Variants in PIK3AP1 observed in about 807,000 individuals in gnomAD.
PIK3AP1 encodes phosphoinositide-3-kinase adaptor protein 1.
PIK3AP1 carries 21 observed loss-of-function variants against 88.1 expected under a neutral mutation model. The observed-to-expected ratio is 0.24, with a 90% CI of 0.17 to 0.34. PIK3AP1 has a LOEUF of 0.34. Among genes scored for constraint, PIK3AP1 ranks in the 10% least tolerant of loss-of-function variants. The pLI is 1.00. For synonymous variants in PIK3AP1, 398 were observed against 400.0 expected (o/e 1.00, Z 0.06); for missense variants, 828 against 1,035.7 (o/e 0.80, Z 2.75).
At chr10:96,626,171 A>G (rs955990763) in intron 10 of PIK3AP1, among the ~76,000 whole-genome samples, 3 of 152,198 alleles carry the variant, frequency 2.0e-5, no homozygotes, top group African/African-American at 7.2e-5. Flanking sequence ...CAAAACCTTA[A>G]TTTTTAATAA....
chr10:96,720,436 G>A lies in PIK3AP1; in HGVS notation c.-42C>T. The stretch of plus-strand genomic sequence containing the variant: ...CACATCCCTGGCTCGCTGCGTGCCC[G>A]GGGCCGGGACCGGGGCCGGCGGCGT... On this transcript the variant is annotated 5_prime_UTR_variant, in exon 1 of 17. Coordinates refer to ENST00000339364, the MANE Select transcript of PIK3AP1 (RefSeq NM_152309.3). This position sits in a 1 kb window ranked among gnomAD's most constrained non-coding sequence, Gnocchi z 4.6. The A allele has an allele frequency of 5.7e-6, 7 of 1,228,214 alleles. No individual in the cohort carries two copies. The highest frequency in any genetic ancestry group is 7.1e-6 in the Non-Finnish European group (7 of 982,854). 76.1% of individuals were successfully genotyped at this position (1,228,214 alleles called of 1,614,324 possible). A position where few individuals can be genotyped will look rare whatever the true frequency, so the allele number is the denominator to read the frequency against.
chr10:96,645,753 T>A, intron 7 of PIK3AP1, 91 bp from the exon 8 acceptor site: 1 of 1,105,470 alleles, frequency 9.0e-7, no homozygotes. Flanking sequence ...GCCAGCAAAG[T>A]AAAGGCTCCC....
At chr10:96,597,508 A>G (rs949464157) in intron 16 of PIK3AP1, among the ~76,000 whole-genome samples, 119 of 152,204 alleles carry the variant, frequency 7.8e-4, no homozygotes, top group African/African-American at 2.8e-3. Flanking sequence ...GAGACGGACA[A>G]TAGGCAAAAA....
chr10:96,709,851 G>T lies in PIK3AP1; in HGVS notation c.146C>A (p.Pro49His). ...SQKILTHRLGPEASFSAEDLS... is the reference protein window; with the variant it reads ...SQKILTHRLGHEASFSAEDLS... ...GTCCTCTGCCGAGAAGGAGGCCTCG[G>T]GGCCCAGCCTGTGAGTCAGTATCTT... Residue 49 changes from proline (P) to histidine (H), a missense_variant, in exon 2 of 17, where the codon CCC (proline) becomes CAC (histidine). Around this residue, in one of 3 missense-constraint regions of PIK3AP1, gnomAD observed 610 missense variants for 760.1 expected, o/e 0.80. Transcript: ENST00000339364. The T allele has an allele frequency of 6.2e-7, 1 of 1,613,990 alleles. No homozygotes were observed. Among genetic ancestry groups the T allele is most frequent in the Non-Finnish European group, 8.5e-7 (1 of 1,179,996 alleles).
intron 2 of PIK3AP1, among the ~76,000 whole-genome samples, chr10:96,689,471 G>C (rs1028670357): frequency 2.0e-5 from 3 of 150,332 alleles, no homozygotes; most frequent in African/African-American, 7.4e-5. Context: ...TCAGGAGGCC[G>C]AGGCAGGAGA....
intron 7 of PIK3AP1, among the ~76,000 whole-genome samples, chr10:96,647,278 G>A (rs947065561): frequency 4.6e-5 from 7 of 152,206 alleles, no homozygotes; most frequent in Admixed American, 1.3e-4. Flanking sequence ...TCTCTGCCCT[G>A]AATAGTCTGT....
At chr10:96,660,788 C>T (rs536243866) in intron 2 of PIK3AP1, among the ~76,000 whole-genome samples, 2 of 152,244 alleles carry the variant, frequency 1.3e-5, no homozygotes, top group African/African-American at 4.8e-5. Flanking sequence ...GGATAAAGTG[C>T]GGTACACCCA....
At chr10:96,613,113 C>T (rs1589487631) in intron 13 of PIK3AP1, among the ~76,000 whole-genome samples, 1 of 150,264 alleles carries the variant, frequency 6.7e-6, no homozygotes, top group East Asian at 2.0e-4. Context: ...ATTCTCCTGC[C>T]TCAGCCTCCT....
chr10:96,660,879 T>G (rs1413344243), intron 2 of PIK3AP1, among the ~76,000 whole-genome samples: 1 of 152,092 alleles, frequency 6.6e-6, no homozygotes, highest in African/African-American at 2.4e-5. Context: ...GAATGCATAT[T>G]ACTAAGTGAA....
chr10:96,651,811 T>C lies in PIK3AP1; in HGVS notation c.713-160A>G, dbSNP rs374640191. On this transcript the variant is annotated intron_variant, in intron 4 of 16. Transcript: ENST00000339364. ...GCTGGGGCGGGAGTGAGGGAAAGGG[T>C]GGAGGTAGCAGGTGAGCAAACCAGC... 5.3e-5 allele frequency among the ~76,000 whole-genome samples: 8 copies of C among 151,004 alleles called. 1 individual carries two copies. The highest frequency in any genetic ancestry group is 4.6e-4 in the Admixed American group (7 of 15,194).
At chr10:96,604,336 C>A (rs561365320) in intron 14 of PIK3AP1, among the ~76,000 whole-genome samples, 34 of 143,190 alleles carry the variant, frequency 2.4e-4, no homozygotes, top group African/African-American at 8.2e-4. Flanking sequence ...TGCCACCACA[C>A]CTAGCCAATT....
At position 96,609,720 on chromosome 10, in the gene PIK3AP1, C is replaced by A; in HGVS notation, c.2162G>T (p.Ser721Ile). Residue 721 changes from serine to isoleucine, a missense_variant, in exon 14 of 17, where the codon AGC becomes ATC. Physicochemically the swap from Ser to Ile is moderately radical, Grantham distance 142. This residue lies in a region of PIK3AP1 where 191 missense variants were observed against 208.6 expected (regional missense o/e 0.92). Transcript: ENST00000339364. The stretch of plus-strand genomic sequence containing the variant: ...CACCCCCAGCTGCTCACTTGCTGTG[C>A]TGGAGGTGCTGTCTGTTTTCCAGTC... ...RGDWKTDSTS[S>I]TASSTSNRSS... is the part of the protein sequence containing the mutation. 6.2e-7 allele frequency: 1 copy of A among 1,613,804 alleles called. No homozygotes were observed. Among genetic ancestry groups the A allele is most frequent in the Non-Finnish European group, 8.5e-7 (1 of 1,179,870 alleles).
intron 2 of PIK3AP1, among the ~76,000 whole-genome samples, chr10:96,688,232 T>C (rs1295362438): frequency 6.6e-6 from 1 of 152,134 alleles, no homozygotes; most frequent in African/African-American, 2.4e-5. Flanking sequence ...AGGATGAAGA[T>C]GAGGCCTTGC....
intron 2 of PIK3AP1, among the ~76,000 whole-genome samples, chr10:96,661,629 C>G (rs2134243576): frequency 6.6e-6 from 1 of 152,130 alleles, no homozygotes; most frequent in Non-Finnish European, 1.5e-5. Context: ...AAAATCTACT[C>G]AAAAATATTA....
Position 96,609,766 on chromosome 10 carries a change from TA to T in PIK3AP1, c.2115del (p.Arg706GlyfsTer4). ...CAGTCTCCTCGTCTCAGCTCCGTCCTAGGGGGAATGACACTTTTCCTGGGGC... is the reference window on the plus strand; with the variant it reads ...CAGTCTCCTCGTCTCAGCTCCGTCCTGGGGGAATGACACTTTTCCTGGGGC... ...ESGPRKSVIPPRTELRRGDWK... is the reference protein window; with the variant it reads ...ESGPRKSVIPXRTELRRGDWK... On this transcript the variant is annotated frameshift_variant, in exon 14 of 17. Coordinates refer to ENST00000339364, the MANE Select transcript of PIK3AP1 (RefSeq NM_152309.3). LOFTEE classifies it high-confidence loss of function. 1 of 1,614,130 alleles carries T rather than the reference TA, an allele frequency of 6.2e-7. No individual in the cohort carries two copies. Among genetic ancestry groups the T allele is most frequent in the Non-Finnish European group, 8.5e-7 (1 of 1,179,996 alleles).
intron 2 of PIK3AP1, among the ~76,000 whole-genome samples, chr10:96,666,373 C>T (rs967652150): frequency 3.3e-5 from 5 of 151,950 alleles, no homozygotes; most frequent in African/African-American, 9.7e-5. Flanking sequence ...GAGCCGAGAT[C>T]GCACCATTGT....
chr10:96,706,581 C>G (rs776973314), intron 2 of PIK3AP1, among the ~76,000 whole-genome samples: 4 of 152,118 alleles, frequency 2.6e-5, no homozygotes, highest in Non-Finnish European at 5.9e-5. Context: ...GATTTTTAGC[C>G]TTGGGAAGTG....
chr10:96,616,338 T>C (rs1165550670), intron 13 of PIK3AP1, among the ~76,000 whole-genome samples: 1 of 152,226 alleles, frequency 6.6e-6, no homozygotes, highest in Non-Finnish European at 1.5e-5. Context: ...GAGAGTCAGA[T>C]GTCTGCAGAG....
At chr10:96,646,621 C>T (rs1214945483) in intron 7 of PIK3AP1, among the ~76,000 whole-genome samples, 2 of 152,128 alleles carry the variant, frequency 1.3e-5, no homozygotes, top group Admixed American at 1.3e-4. Flanking sequence ...GCTTGGCACA[C>T]TAGCCCCTGT....
Sources: gnomAD v4.1 joint callset for allele counts (sites outside exome capture counted in the v4.1 genomes callset) on GRCh38, gnomAD v4.1.1 for gene constraint, gnomAD v4.1.1 regional missense constraint, Gnocchi (gnomAD v3.1) non-coding constraint, MANE v1.5 for transcripts, NCBI Gene and HGNC (gene_info 2026-07-23, HGNC 2026-07-21) for gene names.